Variants in SLC12A8 observed in about 807,000 individuals in gnomAD.
The protein encoded by SLC12A8 is cation-chloride cotransporter 9.
Under a neutral mutation model 75.6 loss-of-function variants are expected in SLC12A8, and 69 were observed. That is an observed-to-expected ratio of 0.91 (90% CI 0.75 to 1.11). The LOEUF is 1.11. Ranked by LOEUF, SLC12A8 falls within the 50% of genes most tolerant of loss-of-function variation. The pLI, the probability that SLC12A8 is intolerant of heterozygous loss-of-function variation, is 0.00. For missense variants in SLC12A8, 877 were observed against 896.7 expected, an observed-to-expected ratio of 0.98 and a Z score of 0.28; for synonymous variants, 365 against 372.8, an observed-to-expected ratio of 0.98 and a Z score of 0.24.
intron 3 of SLC12A8, among the ~76,000 whole-genome samples, chr3:125,190,021 T>C (rs1447386613): frequency 6.6e-6 from 1 of 151,972 alleles, no homozygotes; most frequent in African/African-American, 2.4e-5. Context: ...GGGCCCAAGA[T>C]GAAGTGAAGA....
At chr3:125,102,781 G>C (rs1001390304) in intron 10 of SLC12A8, among the ~76,000 whole-genome samples, 2 of 152,142 alleles carry the variant, frequency 1.3e-5, no homozygotes, top group Admixed American at 6.5e-5. Flanking sequence ...CCACAAACAC[G>C]AAGAGAATGA....
chr3:125,187,291 C>A lies in SLC12A8; in HGVS notation c.336G>T (p.Ser112=). ...TGCCTCCCGTCTGCCCACCCAGGAC[C>A]GAGGAGATCATGGAGTAGACGCCAC... ...GSGGVYSMIS[S]VLGGQTGGTI... Residue 112 remains serine, a synonymous_variant, in exon 4 of 14, where the codon TCG becomes TCT. Transcript: ENST00000469902. 1 of 1,614,160 alleles carries A rather than the reference C, an allele frequency of 6.2e-7. No homozygotes were observed. The highest frequency in any genetic ancestry group is 8.5e-7 in the Non-Finnish European group (1 of 1,180,038).
chr3:125,154,018 G>A (rs538195682), intron 5 of SLC12A8, among the ~76,000 whole-genome samples: 63 of 152,296 alleles, frequency 4.1e-4, no homozygotes, highest in African/African-American at 1.4e-3. Flanking sequence ...AAAGTGCTGG[G>A]ACTGCAGGCA....
chr3:125,156,597 A>C (rs544243810), intron 5 of SLC12A8, among the ~76,000 whole-genome samples: 1 of 152,330 alleles, frequency 6.6e-6, no homozygotes, highest in Admixed American at 6.5e-5. Context: ...CAAAGATGGG[A>C]TGAGAGGTGG....
intron 4 of SLC12A8, among the ~76,000 whole-genome samples, chr3:125,186,192 A>G (rs1934778789): frequency 6.6e-6 from 1 of 152,184 alleles, no homozygotes. Context: ...CCCCAGGGTA[A>G]TAAAGTAAAC....
At chr3:125,162,996 T>C (rs961234846) in intron 5 of SLC12A8, among the ~76,000 whole-genome samples, 1 of 152,112 alleles carries the variant, frequency 6.6e-6, no homozygotes, top group African/African-American at 2.4e-5. Context: ...AGGAGAAACC[T>C]AATAAAGGTT....
intron 2 of SLC12A8, among the ~76,000 whole-genome samples, chr3:125,207,843 C>A (rs1431282561): frequency 6.6e-6 from 1 of 152,252 alleles, no homozygotes; most frequent in Non-Finnish European, 1.5e-5. Flanking sequence ...GCCTACTCCG[C>A]TGGGCTTCTG....
At chr3:125,167,327 G>A (rs191247952) in intron 5 of SLC12A8, among the ~76,000 whole-genome samples, 8 of 152,184 alleles carry the variant, frequency 5.3e-5, no homozygotes, top group African/African-American at 1.7e-4. Context: ...TGTATTTTTC[G>A]TAGAGATGGG....
intron 13 of SLC12A8, among the ~76,000 whole-genome samples, chr3:125,084,486 G>A (rs1454625246): frequency 1.3e-5 from 2 of 152,194 alleles, no homozygotes; most frequent in Non-Finnish European, 2.9e-5. Context: ...AGTTGAATAA[G>A]GAGTGATTTC....
chr3:125,198,261 A>AC (rs1935042545), intron 2 of SLC12A8, among the ~76,000 whole-genome samples: 1 of 147,674 alleles, frequency 6.8e-6, no homozygotes, highest in Non-Finnish European at 1.5e-5. Context: ...TTCTTTAAAA[A>AC]AAAAAAAACA....
intron 8 of SLC12A8, among the ~76,000 whole-genome samples, chr3:125,112,841 T>C (rs1939221198): frequency 6.6e-6 from 1 of 152,186 alleles, no homozygotes; most frequent in African/African-American, 2.4e-5. Context: ...TTAATTAGTG[T>C]AGAGTGAGAC....
At chr3:125,088,198 G>C (rs1938507302) in intron 13 of SLC12A8, 112 bp downstream of exon 13, 1 of 1,039,400 alleles carries the variant, frequency 9.6e-7, no homozygotes, top group African/African-American at 1.6e-5. Context: ...CAGTTGTTAG[G>C]TTCCCATGCC....
At chr3:125,125,120 C>CTTT (rs11432176) in intron 6 of SLC12A8, among the ~76,000 whole-genome samples, 32 of 145,506 alleles carry the variant, frequency 2.2e-4, no homozygotes, top group Middle Eastern at 3.6e-3. Context: ...GCATTGAACC[C>CTTT]TTTTTTTTTT....
intron 5 of SLC12A8, among the ~76,000 whole-genome samples, chr3:125,136,564 G>T (rs1204349284): frequency 1.3e-5 from 2 of 152,188 alleles, no homozygotes; most frequent in Non-Finnish European, 2.9e-5. Context: ...CCAGAGCCAA[G>T]CACTGCACTG....
intron 8 of SLC12A8, among the ~76,000 whole-genome samples, chr3:125,116,231 C>T (rs565076725): frequency 6.6e-6 from 1 of 152,316 alleles, no homozygotes; most frequent in South Asian, 2.1e-4. Context: ...TCGGTTCCAT[C>T]ACTGCTTACT....
At chr3:125,163,913 C>A (rs1934232812) in intron 5 of SLC12A8, among the ~76,000 whole-genome samples, 1 of 152,250 alleles carries the variant, frequency 6.6e-6, no homozygotes, top group Non-Finnish European at 1.5e-5. Flanking sequence ...GGGAGCGCCC[C>A]TGCCTGGCCG....
At chr3:125,187,113 C>T (rs1439371572) in intron 4 of SLC12A8, 124 bp downstream of exon 4, 3 of 918,336 alleles carry the variant, frequency 3.3e-6, no homozygotes, top group Admixed American at 2.2e-5. Flanking sequence ...GAGCCCCAAC[C>T]TGCTCGTCTG....
chr3:125,179,760 T>C (rs1352605393), intron 4 of SLC12A8, among the ~76,000 whole-genome samples: 1 of 152,004 alleles, frequency 6.6e-6, no homozygotes, highest in Non-Finnish European at 1.5e-5. Context: ...ACTAATGTTT[T>C]CCTGCATTCA....
chr3:125,091,611 C>T, intron 11 of SLC12A8, 55 bp from the exon 12 acceptor site: 1 of 1,139,232 alleles, frequency 8.8e-7, no homozygotes. Context: ...ACATGGTAAG[C>T]AAGCCACAAG....
Sources: allele counts gnomAD v4.1 joint callset (sites outside exome capture counted in the v4.1 genomes callset), GRCh38; gene constraint gnomAD v4.1.1; transcripts MANE v1.5; gene names NCBI Gene and HGNC (gene_info 2026-07-23, HGNC 2026-07-21).